The following ADAMTSL1 variants were observed in gnomAD, a reference collection of about 807,000 sequenced individuals.
The protein encoded by ADAMTSL1 is ADAMTS like 1.
In ADAMTSL1, 126 loss-of-function variants were observed where a neutral mutation model predicts 201.8. That is an observed-to-expected ratio of 0.62 (90% CI 0.54 to 0.72). The LOEUF is 0.72. ADAMTSL1 is among the 30% of genes least tolerant of loss of function. ADAMTSL1 has a pLI of 0.00. For synonymous variants in ADAMTSL1, 1,121 were observed against 903.4 expected, an observed-to-expected ratio of 1.24 and a Z score of -4.32; for missense variants, 2,679 against 2,277.8, an observed-to-expected ratio of 1.18 and a Z score of -3.59.
chr9:18,184,136 A>G (rs1828625369), intron 2 of ADAMTSL1, among the ~76,000 whole-genome samples: 1 of 152,180 alleles, frequency 6.6e-6, no homozygotes, highest in Non-Finnish European at 1.5e-5. Flanking sequence ...ATGGATTCCA[A>G]AGTTCATTCC....
chr9:18,614,736 A>G (rs763848615), intron 4 of ADAMTSL1, among the ~76,000 whole-genome samples: 42 of 152,156 alleles, frequency 2.8e-4, no homozygotes, highest in Non-Finnish European at 5.1e-4. Context: ...TAATAGCACC[A>G]TAACAGCCAG....
At chr9:18,750,078 C>T (rs563006) in intron 15 of ADAMTSL1, among the ~76,000 whole-genome samples, 120,272 of 152,196 alleles carry the variant, frequency 0.79, 47,627 homozygotes, top group Non-Finnish European at 0.82. Flanking sequence ...TTCACCAGCA[C>T]TGGCCATGGA....
intron 1 of ADAMTSL1, among the ~76,000 whole-genome samples, chr9:18,161,930 A>G (rs902791166): frequency 6.6e-6 from 1 of 152,076 alleles, no homozygotes; most frequent in African/African-American, 2.4e-5. Context: ...GTGTAGAAGA[A>G]GAAACAAGAT....
At chr9:18,902,365 A>G (rs2131608652) in intron 26 of ADAMTSL1, among the ~76,000 whole-genome samples, 1 of 152,354 alleles carries the variant, frequency 6.6e-6, no homozygotes, top group African/African-American at 2.4e-5. Flanking sequence ...TATGCCAAAA[A>G]ATAATTCTTA....
intron 5 of ADAMTSL1, among the ~76,000 whole-genome samples, chr9:18,628,791 G>A (rs186082008): frequency 3.4e-4 from 51 of 152,154 alleles, no homozygotes; most frequent in African/African-American, 1.1e-3. Context: ...CATGAAGATC[G>A]CATATACTTT....
In ADAMTSL1 at chr9:18,063,300, G is replaced by C. The variant is rs78570585; in HGVS notation, c.88-100562G>C. On this transcript the variant is annotated intron_variant, in intron 1 of 29. Coordinates refer to the ADAMTSL1 transcript ENST00000680146. Reference sequence around the variant, plus strand: ...GGAGTTCAAGGTTGCAGTGAGCTATGCTCATGCCACTGAACTCCAGCTTGG... The same window carrying C: ...GGAGTTCAAGGTTGCAGTGAGCTATCCTCATGCCACTGAACTCCAGCTTGG... Among the ~76,000 whole-genome samples the C allele has an allele frequency of 9.5e-3, 1,452 of 152,306 alleles. 24 individuals are homozygous for C. Among genetic ancestry groups the C allele is most frequent in the African/African-American group, 0.032 (1,343 of 41,572 alleles).
intron 19 of ADAMTSL1, among the ~76,000 whole-genome samples, chr9:18,794,547 A>C (rs1012455550): frequency 6.6e-6 from 1 of 152,028 alleles, no homozygotes; most frequent in African/African-American, 2.4e-5. Context: ...TATGTGTAAG[A>C]TCCTCTCAAT....
intron 2 of ADAMTSL1, among the ~76,000 whole-genome samples, chr9:18,379,716 A>C (rs1837468403): frequency 6.6e-6 from 1 of 152,236 alleles, no homozygotes; most frequent in Non-Finnish European, 1.5e-5. Context: ...ATGAGAGCAT[A>C]AAATAGAAAA....
chr9:18,721,266 A>G (rs1833347443), intron 14 of ADAMTSL1, among the ~76,000 whole-genome samples: 1 of 152,112 alleles, frequency 6.6e-6, no homozygotes, highest in Non-Finnish European at 1.5e-5. Flanking sequence ...TAAGCATTTC[A>G]AGAGTCTAGG....
At chr9:18,629,443 T>A (rs966733629) in intron 5 of ADAMTSL1, among the ~76,000 whole-genome samples, 3 of 152,210 alleles carry the variant, frequency 2.0e-5, no homozygotes, top group Admixed American at 6.6e-5. Context: ...TGCTGAGAGT[T>A]AATAACATGA....
At chr9:18,883,431 T>C (rs865892118) in intron 23 of ADAMTSL1, among the ~76,000 whole-genome samples, 1 of 152,218 alleles carries the variant, frequency 6.6e-6, no homozygotes, top group African/African-American at 2.4e-5. Context: ...CAGTTTTTTA[T>C]TGTGGTAAGA....
chr9:18,809,609 G>A (rs188177695), intron 20 of ADAMTSL1, among the ~76,000 whole-genome samples: 36 of 152,226 alleles, frequency 2.4e-4, no homozygotes, highest in Admixed American at 5.2e-4. Flanking sequence ...GACCAATATG[G>A]TGAAACTCCG....
At chr9:18,295,003 C>T (rs972780325) in intron 2 of ADAMTSL1, among the ~76,000 whole-genome samples, 11 of 152,214 alleles carry the variant, frequency 7.2e-5, no homozygotes, top group Middle Eastern at 3.4e-3. Context: ...GCTTAGATCA[C>T]AGCGTGTGGC....
chr9:18,804,825 G>A (rs1823004614), intron 20 of ADAMTSL1, among the ~76,000 whole-genome samples: 1 of 152,268 alleles, frequency 6.6e-6, no homozygotes, highest in East Asian at 1.9e-4. Context: ...GCAGAGTCTA[G>A]CATTTCTTAA....
chr9:18,626,494 A>T (rs1050293372), intron 5 of ADAMTSL1, among the ~76,000 whole-genome samples: 4 of 152,228 alleles, frequency 2.6e-5, no homozygotes, highest in Non-Finnish European at 5.9e-5. Context: ...GATATATTTC[A>T]TGAAGAACAA....
chr9:17,998,837 A>C (rs766721883), intron 1 of ADAMTSL1, among the ~76,000 whole-genome samples: 2 of 151,992 alleles, frequency 1.3e-5, no homozygotes, highest in Non-Finnish European at 2.9e-5. Flanking sequence ...TATCTCCTGG[A>C]TGCCTAGAAT....
At chr9:17,929,568 C>T (rs903503729) in intron 1 of ADAMTSL1, among the ~76,000 whole-genome samples, 1 of 152,166 alleles carries the variant, frequency 6.6e-6, no homozygotes, top group Non-Finnish European at 1.5e-5. Flanking sequence ...TCACTCAGCT[C>T]CCTTCTACCC....
At chr9:18,552,531 A>G (rs1431073880) in intron 3 of ADAMTSL1, among the ~76,000 whole-genome samples, 1 of 151,638 alleles carries the variant, frequency 6.6e-6, no homozygotes, top group Non-Finnish European at 1.5e-5. Flanking sequence ...CCTGCTCTGG[A>G]GTGTAAATTT....
intron 2 of ADAMTSL1, among the ~76,000 whole-genome samples, chr9:18,174,350 G>A (rs146978424): frequency 0.019 from 2,881 of 152,252 alleles, 42 homozygotes; most frequent in Middle Eastern, 0.031. Context: ...GTTGAAGGCA[G>A]TTGAAAAGGA....
Sources: allele counts gnomAD v4.1 joint callset (sites outside exome capture counted in the v4.1 genomes callset), GRCh38; gene constraint gnomAD v4.1.1; transcripts MANE v1.5; gene names NCBI Gene and HGNC (gene_info 2026-07-23, HGNC 2026-07-21).